The following AGAP1 variants were observed in gnomAD, a reference collection of about 807,000 sequenced individuals.
AGAP1 encodes arf-GAP with GTPase, ANK repeat and PH domain-containing protein 1.
In AGAP1, 29 loss-of-function variants were observed where a neutral mutation model predicts 105.3. The ratio of observed to expected loss-of-function variants is 0.28; its 90% CI spans 0.21 to 0.38. The LOEUF is 0.38. AGAP1 is among the 10% of genes least tolerant of loss of function. AGAP1 has a pLI of 1.00. For synonymous variants in AGAP1, 509 were observed against 485.9 expected (o/e 1.05, Z -0.63); for missense variants, 998 against 1,165.1 (o/e 0.86, Z 2.09).
At chr2:235,869,774 C>T (rs1049242873) in intron 9 of AGAP1, among the ~76,000 whole-genome samples, 1 of 152,232 alleles carries the variant, frequency 6.6e-6, no homozygotes, top group African/African-American at 2.4e-5. Context: ...AAAAGTGGCA[C>T]AGCTGGCTGG....
rs370106038 is a variant in AGAP1, at chr2:235,906,529, G to C, written c.1156-2209G>C. Among the ~76,000 whole-genome samples, 296 of 152,276 alleles carry C rather than the reference G, an allele frequency of 1.9e-3. 3 individuals carry two copies. Among genetic ancestry groups the C allele is most frequent in the African/African-American group, 6.4e-3 (267 of 41,568 alleles). ...CAGAGTGTCCCCCGCCAGTGTGGCT[G>C]TGCCCTCATGTAAAGAGGTTCTCCT... On this transcript the variant is annotated intron_variant, in intron 10 of 17. Transcript: ENST00000304032. This position sits in a 1 kb window ranked among gnomAD's most constrained non-coding sequence, Gnocchi z 5.3.
Position 235,718,300 on chromosome 2 carries a change from G to T in AGAP1, c.310+656G>T, listed in dbSNP as rs867127706. 7.2e-5 allele frequency: 65 copies of T among 896,962 alleles called. No individual in the cohort carries two copies. The Middle Eastern group carries it at 4.0e-3, about 55-fold the overall frequency. 55.6% of individuals were successfully genotyped at this position (896,962 alleles called of 1,614,324 possible). On this transcript the variant is annotated intron_variant, in intron 3 of 17. Coordinates refer to ENST00000304032, the MANE Select transcript of AGAP1 (RefSeq NM_001037131.3). The stretch of plus-strand genomic sequence containing the variant: ...GTTTTCTAAATGAAATTTTCTCTCC[G>T]TGTAACTTTGTTAAATCCAACTCTG...
chr2:235,859,903 A>G (rs2048854090), intron 9 of AGAP1, among the ~76,000 whole-genome samples: 1 of 152,186 alleles, frequency 6.6e-6, no homozygotes, highest in Non-Finnish European at 1.5e-5. Flanking sequence ...GGCTGTGCGC[A>G]GCGCCTTCCA....
chr2:235,541,625 G>A (rs1332823661), intron 1 of AGAP1, among the ~76,000 whole-genome samples: 1 of 151,314 alleles, frequency 6.6e-6, no homozygotes, highest in Non-Finnish European at 1.5e-5. Context: ...TCCTGACCTC[G>A]TGATCTGCCC....
At chr2:235,784,598 CA>C (rs71400786) in intron 6 of AGAP1, among the ~76,000 whole-genome samples, 4,142 of 124,378 alleles carry the variant, frequency 0.033, 119 homozygotes, top group African/African-American at 0.091. Flanking sequence ...CTTATTAAAG[CA>C]AAAAAAAAAA....
intron 1 of AGAP1, among the ~76,000 whole-genome samples, chr2:235,695,823 T>C (rs1949972036): frequency 6.6e-6 from 1 of 152,172 alleles, no homozygotes; most frequent in Non-Finnish European, 1.5e-5. Flanking sequence ...GTCACTGTCC[T>C]TCACAAGGAG....
At chr2:235,755,615 C>G (rs1953862753) in intron 6 of AGAP1, among the ~76,000 whole-genome samples, 1 of 152,172 alleles carries the variant, frequency 6.6e-6, no homozygotes, top group Non-Finnish European at 1.5e-5. Context: ...TACTTTTTGG[C>G]TATTTAGTAG....
chr2:235,762,882 G>A (rs3896943), intron 6 of AGAP1, among the ~76,000 whole-genome samples: 42,586 of 151,874 alleles, frequency 0.28, 6,283 homozygotes, highest in Admixed American at 0.41. Context: ...CAAAAAAACA[G>A]GAAAGAAAGA....
At position 236,040,913 on chromosome 2, in the gene AGAP1, T is replaced by C; in HGVS notation, c.1891+72T>C. ...ACCACATGGTCCCACTAGGCCCGGG[T>C]TGCAGGGGACTCACATCTGTCCTGT... is the stretch of plus-strand genomic sequence containing the variant. On this transcript the variant is annotated intron_variant, in intron 15 of 17. Transcript: ENST00000304032. This position sits in a 1 kb window ranked among gnomAD's most constrained non-coding sequence, Gnocchi z 5.6. 1 of 1,470,496 alleles carries C rather than the reference T, an allele frequency of 6.8e-7. No homozygotes were observed. Among genetic ancestry groups the C allele is most frequent in the Non-Finnish European group, 9.5e-7 (1 of 1,053,314 alleles). The allele number at this position is 1,470,496 out of a possible 1,614,324, so 91.1% of individuals were successfully genotyped here.
rs1011939425 is a variant in AGAP1 at position 235,962,297 on chromosome 2, G to A, written c.1484-6165G>A. On this transcript the variant is annotated intron_variant, in intron 12 of 17. Transcript: ENST00000304032. This position sits in a 1 kb window ranked among gnomAD's most constrained non-coding sequence, Gnocchi z 5.3. ...CATGGCACCACCCTCTCCCAGCCCTGGCCCATGACGGTGCTGAGCAGGTGG... is the reference window on the plus strand; with the variant it reads ...CATGGCACCACCCTCTCCCAGCCCTAGCCCATGACGGTGCTGAGCAGGTGG... Among the ~76,000 whole-genome samples the A allele has an allele frequency of 7.2e-5, 11 of 152,118 alleles. No individual in the cohort carries two copies. The highest frequency in any genetic ancestry group is 2.7e-4 in the African/African-American group (11 of 41,422).
In AGAP1 at chr2:236,003,920, ACAGT is replaced by A. The variant is rs998560282; in HGVS notation, c.1646-32637_1646-32634del. Among the ~76,000 whole-genome samples, 11 of 152,180 alleles carry A rather than the reference ACAGT, an allele frequency of 7.2e-5. No homozygotes were observed. The highest frequency in any genetic ancestry group is 2.2e-4 in the African/African-American group (9 of 41,444). On this transcript the variant is annotated intron_variant, in intron 13 of 17. Coordinates refer to ENST00000304032, the MANE Select transcript of AGAP1 (RefSeq NM_001037131.3). This position sits in a 1 kb window ranked among gnomAD's most constrained non-coding sequence, Gnocchi z 4.2. Reference sequence around the variant, plus strand: ...TACATGGTATAGATTGATGCATAAAACAGTCAGCCCCTGGACTCCATGGCTCTGT... The same window carrying A: ...TACATGGTATAGATTGATGCATAAAACAGCCCCTGGACTCCATGGCTCTGT...
In AGAP1 at chr2:236,020,982, G is replaced by T. The variant is rs949044925; in HGVS notation, c.1646-15579G>T. Among the ~76,000 whole-genome samples the T allele has an allele frequency of 6.6e-6, 1 of 151,818 alleles. No individual in the cohort carries two copies. Among genetic ancestry groups the T allele is most frequent in the Non-Finnish European group, 1.5e-5 (1 of 67,956 alleles). ...GACATTCGAGACCAGCCTGGTCAACGTGGTGAAACCCCATCTCTACTAAAA... is the reference window on the plus strand; with the variant it reads ...GACATTCGAGACCAGCCTGGTCAACTTGGTGAAACCCCATCTCTACTAAAA... On this transcript the variant is annotated intron_variant, in intron 13 of 17. Coordinates refer to ENST00000304032, the MANE Select transcript of AGAP1 (RefSeq NM_001037131.3). The surrounding 1 kb of genome is among the most constrained non-coding windows in gnomAD (Gnocchi z 5.0).
Position 235,741,144 on chromosome 2 carries a change from C to G in AGAP1, c.396+96C>G. 9.5e-7 allele frequency: 1 copy of G among 1,050,816 alleles called. No homozygotes were observed. Among genetic ancestry groups the G allele is most frequent in the Non-Finnish European group, 1.3e-6 (1 of 763,746 alleles). 65.1% of individuals were successfully genotyped at this position (1,050,816 alleles called of 1,614,324 possible). A position where few individuals can be genotyped will look rare whatever the true frequency, so the allele number is the denominator to read the frequency against. ...TTCTAGAAATCGGTGACTTGGTTTCCAAAAAAGTGGAAACCCCATAAAAAA... is the reference window on the plus strand; with the variant it reads ...TTCTAGAAATCGGTGACTTGGTTTCGAAAAAAGTGGAAACCCCATAAAAAA... On this transcript the variant is annotated intron_variant, in intron 4 of 17. Transcript: ENST00000304032. This position sits in a 1 kb window ranked among gnomAD's most constrained non-coding sequence, Gnocchi z 4.9.
chr2:235,876,709 C>T (rs984579935), intron 9 of AGAP1, among the ~76,000 whole-genome samples: 5 of 152,180 alleles, frequency 3.3e-5, no homozygotes, highest in African/African-American at 1.2e-4. Flanking sequence ...GCACCTTGTC[C>T]CGATTTTACC....
intron 16 of AGAP1, among the ~76,000 whole-genome samples, chr2:236,085,445 T>C (rs2058904959): frequency 6.6e-6 from 1 of 152,044 alleles, no homozygotes; most frequent in African/African-American, 2.4e-5. Context: ...GCTCAGATGA[T>C]CAAATCTCTA....
chr2:235,713,683 T>C (rs1950959182), intron 2 of AGAP1, among the ~76,000 whole-genome samples: 1 of 152,248 alleles, frequency 6.6e-6, no homozygotes, highest in Admixed American at 6.5e-5. Context: ...GGCACCCAGT[T>C]GAGGCTGTGG....
Position 235,961,201 on chromosome 2 carries a change from G to A in AGAP1, c.1484-7261G>A, listed in dbSNP as rs1047634339. 6.6e-6 allele frequency among the ~76,000 whole-genome samples: 1 copy of A among 152,204 alleles called. No homozygotes were observed. Among genetic ancestry groups the A allele is most frequent in the African/African-American group, 2.4e-5 (1 of 41,452 alleles). ...CATGTCCCCATGTGGAGAGAGCCAC[G>A]GAGCACAGGGGGCCGGGAGGGGCTG... On this transcript the variant is annotated intron_variant, in intron 12 of 17. Coordinates refer to ENST00000304032, the MANE Select transcript of AGAP1 (RefSeq NM_001037131.3). This position sits in a 1 kb window ranked among gnomAD's most constrained non-coding sequence, Gnocchi z 5.9.
intron 16 of AGAP1, among the ~76,000 whole-genome samples, chr2:236,100,854 T>C (rs2059329266): frequency 6.6e-6 from 1 of 151,514 alleles, no homozygotes; most frequent in Admixed American, 6.6e-5. Context: ...AAAAAATTAG[T>C]TGAGAAAGAA....
chr2:235,544,763 G>A (rs1187812415), intron 1 of AGAP1, among the ~76,000 whole-genome samples: 3 of 152,116 alleles, frequency 2.0e-5, no homozygotes, highest in Non-Finnish European at 4.4e-5. Context: ...TGTCAAACTC[G>A]AATTTCCAGT....
Sources: gnomAD v4.1 joint callset for allele counts (sites outside exome capture counted in the v4.1 genomes callset) on GRCh38, gnomAD v4.1.1 for gene constraint, Gnocchi (gnomAD v3.1) non-coding constraint, MANE v1.5 for transcripts, NCBI Gene and HGNC (gene_info 2026-07-23, HGNC 2026-07-21) for gene names.